The following PVRIG variants were observed in gnomAD, a reference collection of about 807,000 sequenced individuals.
PVRIG encodes PVR related immunoglobulin domain containing.
In PVRIG, 16 loss-of-function variants were observed where a neutral mutation model predicts 21.9. That is an observed-to-expected ratio of 0.73 (90% CI 0.50 to 1.11). The LOEUF (loss-of-function observed/expected upper bound fraction) is 1.11. Among genes scored for constraint, PVRIG ranks in the 50% most tolerant of loss-of-function variants. The pLI is 0.00. For synonymous variants in PVRIG, 190 were observed against 181.0 expected (o/e 1.05, Z -0.40); for missense variants, 435 against 445.7 (o/e 0.98, Z 0.22).
intron 5 of PVRIG, 33 bp downstream of exon 4, chr7:100,220,853 ACAGGGGCAGGGG>A (rs751254777): frequency 1.9e-6 from 3 of 1,605,504 alleles, no homozygotes. Flanking sequence ...GGATGAGGTG[ACAGGGGCAGGGG>A]CAGGGGGGCC....
chr7:100,220,807 G>C, exon 5 of PVRIG: 1 of 1,606,794 alleles, frequency 6.2e-7, no homozygotes, highest in Non-Finnish European at 8.5e-7. Context: ...CAGGCACCGA[G>C]AGCACGAGCA....
chr7:100,219,688 T>C lies in PVRIG; in HGVS notation c.-198-25T>C, dbSNP rs1247107950. The C allele has an allele frequency of 1.7e-5, 10 of 601,926 alleles. No individual in the cohort carries two copies. The African/African-American group carries it at 1.9e-4, about 11-fold the overall frequency. 37.3% of individuals were successfully genotyped at this position (601,926 alleles called of 1,614,324 possible). On this transcript the variant is annotated intron_variant, in intron 1 of 5. Coordinates refer to ENST00000317271, the Ensembl canonical transcript of PVRIG. Reference sequence around the variant, plus strand: ...AGTCCTTCTAGCCCCTGACAGCTTCTCTGCCCCTCCCCTGGCCTCCCCAGG... The same window carrying C: ...AGTCCTTCTAGCCCCTGACAGCTTCCCTGCCCCTCCCCTGGCCTCCCCAGG...
exon 3 of PVRIG, chr7:100,220,293 T>C: frequency 1.3e-6 from 2 of 1,559,876 alleles, no homozygotes; most frequent in East Asian, 2.4e-5. Context: ...CATCCGGCAA[T>C]GGGCCCCTGC....
chr7:100,220,019 G>C (rs1452917040), exon 2 of PVRIG: 1 of 1,604,754 alleles, frequency 6.2e-7, no homozygotes, highest in Admixed American at 1.7e-5. Context: ...GACCTTGTGT[G>C]TCACTGCGGG....
At chr7:100,220,310 G>C in exon 3 of PVRIG, 1 of 1,556,548 alleles carries the variant, frequency 6.4e-7, no homozygotes, top group Non-Finnish European at 8.7e-7. Flanking sequence ...CTGCTCGCCA[G>C]GCCCGCTGGG....
intron 1 of PVRIG, chr7:100,219,557 CT>C: frequency 5.5e-6 from 2 of 365,986 alleles, no homozygotes; most frequent in South Asian, 5.6e-5. Context: ...TCCCTGCTGG[CT>C]TCCCACTCCC....
At chr7:100,220,421 C>T in exon 3 of PVRIG, 4 of 1,604,614 alleles carry the variant, frequency 2.5e-6, no homozygotes, top group South Asian at 1.1e-5. Context: ...TCCCTGAGGG[C>T]TCCTGGGAGG....
rs1365162150 is a variant in PVRIG, at chr7:100,220,910, C to T, written c.658-18C>T. On this transcript the variant is annotated intron_variant, in intron 5 of 5. Transcript: ENST00000317271. ...CCCAAGCTGTGCAGACTCACTTGAC[C>T]CTCCTTCCCCCGCGCAGGCACCAAG... The T allele has an allele frequency of 3.8e-6, 6 of 1,576,820 alleles. No homozygotes were observed. Among genetic ancestry groups the T allele is most frequent in the East Asian group, 4.5e-5 (2 of 44,470 alleles).
intron 2 of PVRIG, 38 bp downstream of exon 1, chr7:100,220,066 G>A (rs2117682252): frequency 6.2e-7 from 1 of 1,604,560 alleles, no homozygotes; most frequent in Non-Finnish European, 8.5e-7. Flanking sequence ...GGGCTGCAGG[G>A]AGGGTGATGT....
chr7:100,220,467 G>A lies in PVRIG; in HGVS notation c.469+3G>A. 1 of 1,611,760 alleles carries A rather than the reference G, an allele frequency of 6.2e-7. No individual in the cohort carries two copies. The highest frequency in any genetic ancestry group is 8.5e-7 in the Non-Finnish European group (1 of 1,179,206). The stretch of plus-strand genomic sequence containing the variant: ...CCTCCCGCCCAGCTCAGACCCAGGT[G>A]GGGCCGGGGCGAGGGGTCCAGGAGG... On this transcript the variant is annotated splice_donor_region_variant and intron_variant, in intron 3 of 5. Coordinates refer to ENST00000317271, the Ensembl canonical transcript of PVRIG.
chr7:100,219,755 C>G, exon 2 of PVRIG: 1 of 691,344 alleles, frequency 1.4e-6, no homozygotes, highest in Non-Finnish European at 2.6e-6. Flanking sequence ...GCCGCCCTGC[C>G]TTGTTACCTG....
exon 6 of PVRIG, chr7:100,221,192 A>T: frequency 6.2e-7 from 1 of 1,608,902 alleles, no homozygotes; most frequent in Non-Finnish European, 8.5e-7. Flanking sequence ...TCCCGGCCTC[A>T]CTCTTTTCCC....
At position 100,220,804 on chromosome 7, in the gene PVRIG, C is replaced by T. The variant is rs759795626; in HGVS notation, c.641C>T (p.Pro214Leu). 51 of 1,606,228 alleles carry T rather than the reference C, an allele frequency of 3.2e-5. No individual in the cohort carries two copies. The highest frequency in any genetic ancestry group is 8.8e-5 in the South Asian group (8 of 90,980). ...CCGTCCCGCACCAGCCCCCAGGCACCGAGAGCACGAGCATGGGTGAGGAGG... is the reference window on the plus strand; with the variant it reads ...CCGTCCCGCACCAGCCCCCAGGCACTGAGAGCACGAGCATGGGTGAGGAGG... Residue 214 changes from proline to leucine, a missense_variant, in exon 5 of 6, where the codon CCG becomes CTG. By Grantham distance (98) the Pro-to-Leu change is moderately conservative. Transcript: ENST00000317271.
rs373982410 is a variant in PVRIG, at chr7:100,219,961, G to T, written c.51G>T (p.Leu17=). ...CCCTGCAGCCCCCAGAACCTGGACT[G>T]GAGGGGGCCATGGGGCACCGGACCC... Residue 17 remains leucine (L), a synonymous_variant, in exon 2 of 6, where the codon CTG becomes CTT. Coordinates refer to ENST00000317271, the Ensembl canonical transcript of PVRIG. 2.5e-6 allele frequency: 4 copies of T among 1,570,282 alleles called. No homozygotes were observed. In the Admixed American group the frequency reaches 7.5e-5, roughly 29 times the overall value.
exon 2 of PVRIG, chr7:100,220,015 G>A: frequency 1.2e-6 from 2 of 1,604,578 alleles, no homozygotes; most frequent in Non-Finnish European, 1.7e-6. Flanking sequence ...TGCTGACCTT[G>A]TGTGTCACTG....
At chr7:100,221,211 G>A (rs756383758) in exon 6 of PVRIG, 16 of 1,605,244 alleles carry the variant, frequency 1.0e-5, no homozygotes, top group Admixed American at 3.4e-5. Flanking sequence ...CCTGACCCTC[G>A]GGGGCCCAGG....
chr7:100,220,978 C>T (rs1323783946), exon 6 of PVRIG: 1 of 1,597,302 alleles, frequency 6.3e-7, no homozygotes, highest in East Asian at 2.2e-5. Context: ...ATGCCACTAT[C>T]AACACCAGCT....
At chr7:100,220,268 G>T (rs538503693) in exon 3 of PVRIG, 1 of 1,566,332 alleles carries the variant, frequency 6.4e-7, no homozygotes, top group South Asian at 1.2e-5. Flanking sequence ...TGGCTGTGTT[G>T]CACCCAGAAC....
exon 6 of PVRIG, chr7:100,221,066 C>T (rs758166487): frequency 3.1e-6 from 5 of 1,613,938 alleles, no homozygotes; most frequent in East Asian, 2.2e-5. Flanking sequence ...CCACGCTGCA[C>T]ACCGGCCCCA....
Sources: gnomAD v4.1 joint callset for allele counts on GRCh38, gnomAD v4.1.1 for gene constraint, MANE v1.5 for transcripts, NCBI Gene and HGNC (gene_info 2026-07-23, HGNC 2026-07-21) for gene names.